NMNAT3: variants seen among roughly 807,000 people sequenced by gnomAD.
NMNAT3 encodes nicotinamide/nicotinic acid mononucleotide adenylyltransferase 3.
Under a neutral mutation model 24.8 loss-of-function variants are expected in NMNAT3, and 21 were observed. That is an observed-to-expected ratio of 0.85 (90% CI 0.60 to 1.22). The LOEUF (loss-of-function observed/expected upper bound fraction) is 1.22. NMNAT3 is among the 50% of genes most tolerant of loss of function. The probability of loss-of-function intolerance (pLI) is 0.00; values close to 1 mark genes in which losing one functional copy is unlikely to be tolerated. For missense variants in NMNAT3, 387 were observed against 436.6 expected (o/e 0.89, Z 1.01); for synonymous variants, 136 against 155.2 (o/e 0.88, Z 0.92).
At chr3:139,611,927 T>C (rs1463749493) in intron 3 of NMNAT3, among the ~76,000 whole-genome samples, 1 of 152,114 alleles carries the variant, frequency 6.6e-6, no homozygotes, top group African/African-American at 2.4e-5. Flanking sequence ...CAGCACTTTG[T>C]GGGGCTGAGG....
At chr3:139,569,521 C>CTT (rs1937752121) in intron 6 of NMNAT3, 1 of 152,118 alleles carries the variant, frequency 6.6e-6, no homozygotes, top group South Asian at 2.1e-4. Flanking sequence ...TTCAGGAGCT[C>CTT]TTTTAGGGCA....
intron 1 of NMNAT3, among the ~76,000 whole-genome samples, chr3:139,654,622 C>A (rs371653095): frequency 6.6e-6 from 1 of 152,058 alleles, no homozygotes; most frequent in Admixed American, 6.5e-5. Flanking sequence ...ATGGGCAGGA[C>A]TAACTCATGA....
chr3:139,626,401 A>G (rs1306114658), intron 3 of NMNAT3, among the ~76,000 whole-genome samples: 1 of 151,978 alleles, frequency 6.6e-6, no homozygotes, highest in African/African-American at 2.4e-5. Flanking sequence ...TATTCTTTAT[A>G]GTGTATTTTT....
At position 139,561,428 on chromosome 3, in the gene NMNAT3, A is replaced by C. The variant is rs764340383; in HGVS notation, c.659-36T>G. The stretch of plus-strand genomic sequence containing the variant: ...AAGGATGGACCCAGTAAAGTTAGAG[A>C]GAGGTCACTGCCAGGAAAGACAACA... On this transcript the variant is annotated intron_variant, in intron 6 of 6. Transcript: ENST00000643695. 6 of 1,585,934 alleles carry C rather than the reference A, an allele frequency of 3.8e-6. No individual in the cohort carries two copies. In the South Asian group the frequency reaches 5.7e-5, roughly 15 times the overall value.
rs554696136 is a variant in NMNAT3 at position 139,560,860 on chromosome 3, G to A, written c.*150C>T. The A allele has an allele frequency of 1.5e-4, 109 of 727,616 alleles. No homozygotes were observed. The highest frequency in any genetic ancestry group is 1.1e-3 in the South Asian group (58 of 53,318). The allele number at this position is 727,616 out of a possible 1,614,324, so 45.1% of individuals were successfully genotyped here. A position where few individuals can be genotyped will look rare whatever the true frequency, so the allele number is the denominator to read the frequency against. On this transcript the variant is annotated 3_prime_UTR_variant, in exon 7 of 7. Transcript: ENST00000643695. Reference sequence around the variant, plus strand: ...TCCTGTAAAGAAGGTATCTCTTCCTGGGACAGAAGACTCCTCAGAAGTAGA... The same window carrying A: ...TCCTGTAAAGAAGGTATCTCTTCCTAGGACAGAAGACTCCTCAGAAGTAGA...
intron 3 of NMNAT3, among the ~76,000 whole-genome samples, chr3:139,596,157 G>A (rs2054445697): frequency 1.3e-5 from 2 of 152,154 alleles, no homozygotes; most frequent in Admixed American, 6.5e-5. Context: ...TTTCCAGAAA[G>A]GTCTATCTGT....
intron 6 of NMNAT3, chr3:139,570,480 A>G (rs1938043450): frequency 6.6e-6 from 1 of 151,768 alleles, no homozygotes; most frequent in Non-Finnish European, 1.5e-5. Context: ...GGTTTTATCT[A>G]CCTTTGGTCT....
chr3:139,663,308 G>A (rs2057475974), intron 1 of NMNAT3, among the ~76,000 whole-genome samples: 1 of 152,146 alleles, frequency 6.6e-6, no homozygotes, highest in South Asian at 2.1e-4. Flanking sequence ...GGTCCACCTG[G>A]ATGGTCCAGG....
chr3:139,633,494 T>C (rs1284649320), intron 2 of NMNAT3, among the ~76,000 whole-genome samples: 2 of 152,178 alleles, frequency 1.3e-5, no homozygotes, highest in Admixed American at 6.5e-5. Context: ...TTGTGTTGTT[T>C]TAAGCCACAC....
At chr3:139,617,061 T>C (rs2055540324) in intron 3 of NMNAT3, among the ~76,000 whole-genome samples, 1 of 152,224 alleles carries the variant, frequency 6.6e-6, no homozygotes, top group Non-Finnish European at 1.5e-5. Context: ...CACCTTTAAC[T>C]TAAGAAGTAC....
At chr3:139,615,455 CTAT>C (rs2055447031) in intron 3 of NMNAT3, among the ~76,000 whole-genome samples, 1 of 150,358 alleles carries the variant, frequency 6.7e-6, no homozygotes, top group Non-Finnish European at 1.5e-5. Context: ...ATCTATCTAT[CTAT>C]CTATCCATCC....
intron 3 of NMNAT3, among the ~76,000 whole-genome samples, chr3:139,595,642 T>C (rs1302272110): frequency 6.6e-6 from 1 of 152,130 alleles, no homozygotes; most frequent in Non-Finnish European, 1.5e-5. Flanking sequence ...AAGAGAGCCC[T>C]CAGAAATAAC....
Position 139,573,579 on chromosome 3 carries a change from C to A in NMNAT3, c.658+19G>T. ...CCCTGACATCTCATTCTCCTACAGA[C>A]AAGAGGATCAGCACCCACCTGCAGG... On this transcript the variant is annotated intron_variant, in intron 6 of 6. Transcript: ENST00000643695. 6.7e-7 allele frequency: 1 copy of A among 1,492,670 alleles called. No homozygotes were observed. The highest frequency in any genetic ancestry group is 9.1e-7 in the Non-Finnish European group (1 of 1,096,618). The allele number at this position is 1,492,670 out of a possible 1,614,324, so 92.5% of individuals were successfully genotyped here. A position where few individuals can be genotyped will look rare whatever the true frequency, so the allele number is the denominator to read the frequency against.
intron 1 of NMNAT3, among the ~76,000 whole-genome samples, chr3:139,652,961 A>T (rs928695423): frequency 6.6e-6 from 1 of 152,238 alleles, no homozygotes; most frequent in African/African-American, 2.4e-5. Flanking sequence ...CTAAGAGAGG[A>T]TTAAAAAGAT....
rs550851162 is a variant in NMNAT3, at chr3:139,593,083, T to G, written c.110-9875A>C. ...CTGTATTCAGGAAACCCATCTCATG[T>G]GCAGAGACACACATAGGCTCAAAAT... On this transcript the variant is annotated intron_variant, in intron 3 of 6. Transcript: ENST00000643695. Among the ~76,000 whole-genome samples the G allele has an allele frequency of 6.6e-4, 100 of 152,274 alleles. 1 individual carries two copies. The highest frequency in any genetic ancestry group is 2.2e-3 in the African/African-American group (90 of 41,540).
At chr3:139,619,997 C>T (rs2108285940) in intron 3 of NMNAT3, among the ~76,000 whole-genome samples, 1 of 151,874 alleles carries the variant, frequency 6.6e-6, no homozygotes, top group African/African-American at 2.4e-5. Context: ...CAAATTTCTC[C>T]AACTCCCTCA....
At chr3:139,621,075 A>G (rs1026555521) in intron 3 of NMNAT3, among the ~76,000 whole-genome samples, 1 of 151,930 alleles carries the variant, frequency 6.6e-6, no homozygotes, top group African/African-American at 2.4e-5. Context: ...GAGCCATGCA[A>G]TTGGCCATAT....
intron 3 of NMNAT3, among the ~76,000 whole-genome samples, chr3:139,595,359 TC>T (rs2054399011): frequency 6.6e-6 from 1 of 152,130 alleles, no homozygotes; most frequent in African/African-American, 2.4e-5. Flanking sequence ...GTAGGAAGAA[TC>T]AATATCGCGA....
At chr3:139,616,153 A>C (rs542564753) in intron 3 of NMNAT3, among the ~76,000 whole-genome samples, 1 of 152,156 alleles carries the variant, frequency 6.6e-6, no homozygotes, top group East Asian at 1.9e-4. Flanking sequence ...TCACCAACAA[A>C]GCCATTCTCC....
Sources: allele counts gnomAD v4.1 joint callset (sites outside exome capture counted in the v4.1 genomes callset), GRCh38; gene constraint gnomAD v4.1.1; transcripts MANE v1.5; gene names NCBI Gene and HGNC (gene_info 2026-07-23, HGNC 2026-07-21).